RHOC: variants seen among roughly 807,000 people sequenced by gnomAD.
RHOC encodes rho-related GTP-binding protein RhoC.
RHOC carries 13 observed loss-of-function variants against 19.5 expected under a neutral mutation model. The ratio of observed to expected loss-of-function variants is 0.67; its 90% CI spans 0.43 to 1.06. RHOC has a LOEUF of 1.06. Among genes scored for constraint, RHOC ranks in the 50% least tolerant of loss-of-function variants. The pLI, the probability that RHOC is intolerant of heterozygous loss-of-function variation, is 0.00. For missense variants in RHOC, 173 were observed against 256.9 expected (o/e 0.67, Z 2.23); for synonymous variants, 106 against 97.3 (o/e 1.09, Z -0.52).
chr1:112,703,547 A>T, intron 3 of RHOC, 97 bp downstream of exon 3: 2 of 1,051,922 alleles, frequency 1.9e-6, no homozygotes, highest in Non-Finnish European at 2.9e-6. Flanking sequence ...AGAATGAAGC[A>T]AAGACAGGGG....
intron 1 of RHOC, among the ~76,000 whole-genome samples, chr1:112,706,472 A>C (rs78636879): frequency 1.3e-3 from 4 of 3,078 alleles, no homozygotes; most frequent in South Asian, 0.014. Flanking sequence ...CACCACACAC[A>C]CACACACACA....
rs939430029 is a variant in RHOC, at chr1:112,701,363, C to T, written c.*177G>A. On this transcript the variant is annotated 3_prime_UTR_variant, in exon 6 of 6. Transcript: ENST00000339083. ...CAGGGCATAGGCGTGGCTCCCAGAG[C>T]GCTGGGAGGGAGGGCCCGTGCCACC... 2.0e-5 allele frequency: 30 copies of T among 1,508,556 alleles called. No homozygotes were observed. Among genetic ancestry groups the T allele is most frequent in the Admixed American group, 6.2e-5 (3 of 48,584 alleles). The allele number at this position is 1,508,556 out of a possible 1,614,324, so 93.4% of individuals were successfully genotyped here.
At chr1:112,704,574 C>CG in intron 2 of RHOC, 1 of 169,496 alleles carries the variant, frequency 5.9e-6, no homozygotes, top group Non-Finnish European at 1.3e-5. Context: ...GACTCAAAGT[C>CG]GTGCCTCTTC....
At chr1:112,704,255 C>A (rs528974141) in intron 2 of RHOC, 1 of 163,326 alleles carries the variant, frequency 6.1e-6, no homozygotes, top group Admixed American at 5.9e-5. Context: ...CAATCTAGAA[C>A]AGACTGTCCC....
chr1:112,705,889 G>A (rs984476545), intron 1 of RHOC: 2 of 344,044 alleles, frequency 5.8e-6, no homozygotes, highest in Admixed American at 7.6e-5. Context: ...AGTGGTGGGA[G>A]GCAGAGGACA....
At chr1:112,702,885 A>T in intron 4 of RHOC, 114 bp downstream of exon 4, 1 of 1,426,876 alleles carries the variant, frequency 7.0e-7, no homozygotes, top group Non-Finnish European at 9.8e-7. Flanking sequence ...ACAGGGCCTG[A>T]GTGCTCCCCT....
intron 1 of RHOC, chr1:112,705,421 G>T: frequency 3.3e-6 from 2 of 599,844 alleles, no homozygotes; most frequent in Non-Finnish European, 6.1e-6. Context: ...CCAGCCCCAG[G>T]CCTCTTCCCT....
intron 1 of RHOC, chr1:112,705,392 C>T (rs542644117): frequency 1.6e-6 from 1 of 608,012 alleles, no homozygotes; most frequent in Non-Finnish European, 3.0e-6. Flanking sequence ...CTCACACTGC[C>T]CTTTAGGAAG....
Position 112,706,488 on chromosome 1 carries a change from A to ACCACACACACACACACACACCCCCACAC in RHOC, c.-77+589_-77+590insGTGTGGGGGTGTGTGTGTGTGTGTGTGG, listed in dbSNP as rs1557780761. 3.8e-3 allele frequency among the ~76,000 whole-genome samples: 100 copies of ACCACACACACACACACACACCCCCACAC among 26,068 alleles called. 10 individuals carry two copies. The highest frequency in any genetic ancestry group is 7.0e-3 in the East Asian group (4 of 570). The allele number at this position is 26,068 out of a possible 152,430, so 17.1% of individuals were successfully genotyped here. A position where few individuals can be genotyped will look rare whatever the true frequency, so the allele number is the denominator to read the frequency against. On this transcript the variant is annotated intron_variant, in intron 1 of 5. Transcript: ENST00000339083. Reference sequence around the variant, plus strand: ...ACCACACACACACACACACACACACACACACACACACACACACACACACAC... The same window carrying ACCACACACACACACACACACCCCCACAC: ...ACCACACACACACACACACACACACACCACACACACACACACACACCCCCACACCACACACACACACACACACACACAC...
In RHOC at chr1:112,703,001, A is replaced by G. The variant is rs1196046097; in HGVS notation, c.275T>C (p.Leu92Pro). 1 of 1,606,856 alleles carries G rather than the reference A, an allele frequency of 6.2e-7. No homozygotes were observed. Among genetic ancestry groups the G allele is most frequent in the Non-Finnish European group, 8.5e-7 (1 of 1,178,736 alleles). ...MCFSIDSPDS[L>P]ENIPEKWTPE... is the part of the protein sequence containing the mutation. ...TCCCCTCCCTCCAATCCCCTCACCC[A>G]GGCTGTCAGGGCTGTCGATGGAGAA... Residue 92 changes from leucine to proline, a missense_variant and splice_region_variant, in exon 4 of 6, where the codon CTG (leucine) becomes CCG (proline). Leu to Pro is a moderately conservative substitution (Grantham distance 98). Transcript: ENST00000339083.
In RHOC at chr1:112,705,184, AG is replaced by A; in HGVS notation, c.-76-17del. The A allele has an allele frequency of 1.4e-6, 1 of 690,070 alleles. No homozygotes were observed. The highest frequency in any genetic ancestry group is 2.0e-5 in the Admixed American group (1 of 49,510). 42.7% of individuals were successfully genotyped at this position (690,070 alleles called of 1,614,324 possible). A position where few individuals can be genotyped will look rare whatever the true frequency, so the allele number is the denominator to read the frequency against. On this transcript the variant is annotated splice_polypyrimidine_tract_variant and intron_variant, in intron 1 of 5. Coordinates refer to ENST00000339083, the MANE Select transcript of RHOC (RefSeq NM_175744.5). Reference sequence around the variant, plus strand: ...GAAGTCAAGGCTGTTGGGAAGGGGGAGGGGGCTAGAGTCTGGGCTGGGAGGA... The same window carrying A: ...GAAGTCAAGGCTGTTGGGAAGGGGGAGGGGCTAGAGTCTGGGCTGGGAGGA...
At chr1:112,701,963 C>T (rs968522062) in intron 5 of RHOC, among the ~76,000 whole-genome samples, 3 of 152,086 alleles carry the variant, frequency 2.0e-5, no homozygotes, top group East Asian at 3.9e-4. Flanking sequence ...CCTGAATGAG[C>T]GTCTCCCACC....
chr1:112,703,289 TAAAG>T (rs1375286752), intron 3 of RHOC, 170 bp from the exon 4 acceptor site: 4 of 789,592 alleles, frequency 5.1e-6, no homozygotes, highest in South Asian at 3.4e-5. Context: ...GTCAGTTTGT[TAAAG>T]AAATCTAAGA....
chr1:112,705,072 T>A, intron 2 of RHOC, 28 bp downstream of exon 2: 1 of 702,408 alleles, frequency 1.4e-6, no homozygotes, highest in Non-Finnish European at 2.6e-6. Flanking sequence ...TTCCCTCACT[T>A]CCTCCTTCCC....
Position 112,701,185 on chromosome 1 carries a change from G to C in RHOC, c.*355C>G. Reference sequence around the variant, plus strand: ...CCTGACCAAATGCAGTGAGAGACAAGGCCCCTGCCGAAAACAACTCCAGGG... The same window carrying C: ...CCTGACCAAATGCAGTGAGAGACAACGCCCCTGCCGAAAACAACTCCAGGG... On this transcript the variant is annotated 3_prime_UTR_variant, in exon 6 of 6. Coordinates refer to ENST00000339083, the MANE Select transcript of RHOC (RefSeq NM_175744.5). 2 of 554,330 alleles carry C rather than the reference G, an allele frequency of 3.6e-6. No individual in the cohort carries two copies. Among genetic ancestry groups the C allele is most frequent in the South Asian group, 5.0e-5 (2 of 39,994 alleles). 34.3% of individuals were successfully genotyped at this position (554,330 alleles called of 1,614,324 possible). A position where few individuals can be genotyped will look rare whatever the true frequency, so the allele number is the denominator to read the frequency against.
chr1:112,705,703 T>G, intron 1 of RHOC: 1 of 455,824 alleles, frequency 2.2e-6, no homozygotes, highest in South Asian at 1.6e-5. Context: ...TTCTTCCAAC[T>G]CCTCCACCCA....
intron 1 of RHOC, chr1:112,705,787 T>A (rs541321196): frequency 5.8e-5 from 24 of 410,308 alleles, no homozygotes; most frequent in Non-Finnish European, 1.1e-4. Context: ...GCAGTGTTGA[T>A]GGAGGGCAAT....
chr1:112,706,409 TTCTCTC>T (rs533417679), intron 1 of RHOC, among the ~76,000 whole-genome samples: 3 of 131,312 alleles, frequency 2.3e-5, no homozygotes, highest in African/African-American at 5.7e-5. Flanking sequence ...CAATCTCATT[TTCTCTC>T]TCTCTCTCTC....
At chr1:112,702,952 TG>T in intron 4 of RHOC, 46 bp downstream of exon 4, 1 of 1,438,252 alleles carries the variant, frequency 7.0e-7, no homozygotes, top group Non-Finnish European at 9.6e-7. Context: ...ACGAGACCTC[TG>T]GCTGATTCCA....
Sources: gnomAD v4.1 joint callset for allele counts (sites outside exome capture counted in the v4.1 genomes callset) on GRCh38, gnomAD v4.1.1 for gene constraint, MANE v1.5 for transcripts, NCBI Gene and HGNC (gene_info 2026-07-23, HGNC 2026-07-21) for gene names.